Variants in CDC25A observed in about 807,000 individuals in gnomAD.
CDC25A encodes the protein cell division cycle 25A, also known as M-phase inducer phosphatase 1.
A neutral mutation model predicts 64.6 loss-of-function variants in CDC25A; 17 were observed. The ratio of observed to expected loss-of-function variants is 0.26; its 90% confidence interval spans 0.18 to 0.39. The LOEUF is 0.39. Ranked by LOEUF, CDC25A falls within the 10% of genes least tolerant of loss-of-function variation. The pLI is 1.00. For missense variants in CDC25A, 473 were observed against 654.8 expected, an observed-to-expected ratio of 0.72 and a Z score of 3.03; for synonymous variants, 229 against 238.6, an observed-to-expected ratio of 0.96 and a Z score of 0.37.
At chr3:48,161,832 G>A (rs542656612) in intron 13 of CDC25A, among the ~76,000 whole-genome samples, 2 of 152,058 alleles carry the variant, frequency 1.3e-5, no homozygotes, top group Non-Finnish European at 2.9e-5. Context: ...AGGCTGAGGC[G>A]GGTAGATCAC....
chr3:48,187,044 T>C (rs2032868269), intron 1 of CDC25A, among the ~76,000 whole-genome samples: 1 of 152,184 alleles, frequency 6.6e-6, no homozygotes, highest in Non-Finnish European at 1.5e-5. Context: ...TTTCCTAAAA[T>C]AAAAGCATGT....
intron 2 of CDC25A, 36 bp from the exon 3 acceptor site, chr3:48,184,731 C>A: frequency 6.9e-7 from 1 of 1,442,840 alleles, no homozygotes. Flanking sequence ...AGAAATAATA[C>A]AAAAAACACC....
chr3:48,160,261 T>C (rs571880235), intron 13 of CDC25A, among the ~76,000 whole-genome samples: 10 of 151,530 alleles, frequency 6.6e-5, no homozygotes, highest in Non-Finnish European at 1.0e-4. Context: ...TACAGGCGCG[T>C]GCCACCGCCC....
At chr3:48,165,768 A>G in intron 11 of CDC25A, 34 bp from the exon 12 acceptor site, 1 of 1,595,552 alleles carries the variant, frequency 6.3e-7, no homozygotes, top group Non-Finnish European at 8.6e-7. Flanking sequence ...ATCAACTTTG[A>G]CCGTCAGGGA....
intron 5 of CDC25A, 115 bp downstream of exon 5, chr3:48,182,814 A>G: frequency 1.5e-6 from 1 of 687,372 alleles, no homozygotes; most frequent in Non-Finnish European, 2.7e-6. Flanking sequence ...GACTCCAAAG[A>G]CCGCACATAA....
chr3:48,186,297 C>T (rs939974303), intron 2 of CDC25A, among the ~76,000 whole-genome samples: 1 of 152,108 alleles, frequency 6.6e-6, no homozygotes, highest in Admixed American at 6.6e-5. Context: ...TCACCGGGCG[C>T]GGTGGCTCAC....
chr3:48,184,575 G>A (rs749829213), intron 3 of CDC25A, 78 bp downstream of exon 3: 2 of 959,596 alleles, frequency 2.1e-6, no homozygotes, highest in Non-Finnish European at 3.2e-6. Context: ...AGTGTATGAA[G>A]AACTTCATTT....
At chr3:48,173,593 A>C (rs1045904103) in intron 9 of CDC25A, among the ~76,000 whole-genome samples, 2 of 152,188 alleles carry the variant, frequency 1.3e-5, no homozygotes, top group African/African-American at 4.8e-5. Flanking sequence ...ACCTTTGCCC[A>C]GCTGTCATAC....
chr3:48,161,777 T>C (rs1046551338), intron 13 of CDC25A, among the ~76,000 whole-genome samples: 2 of 152,030 alleles, frequency 1.3e-5, no homozygotes, highest in Non-Finnish European at 1.5e-5. Context: ...TGTGTATGTG[T>C]GTCCAGATTA....
chr3:48,178,055 A>C, intron 6 of CDC25A, 67 bp from the exon 7 acceptor site: 7 of 1,453,632 alleles, frequency 4.8e-6, no homozygotes, highest in Non-Finnish European at 6.6e-6. Context: ...TGAATGGGTC[A>C]CTAGTTTTTA....
At chr3:48,184,766 T>A in intron 2 of CDC25A, 71 bp from the exon 3 acceptor site, 1 of 1,106,546 alleles carries the variant, frequency 9.0e-7, no homozygotes, top group Non-Finnish European at 1.3e-6. Context: ...ATTAAAACAC[T>A]AAACAAAGTA....
Position 48,177,834 on chromosome 3 carries a change from CA to C in CDC25A, c.684+19del. On this transcript the variant is annotated intron_variant, in intron 7 of 14. Transcript: ENST00000302506. ...TTAATTAGTAGAACAAATAGGAACA[CA>C]CACACACACACACGGTACCTTCAGA... 19 of 791,726 alleles carry C rather than the reference CA, an allele frequency of 2.4e-5. No individual in the cohort carries two copies. The highest frequency in any genetic ancestry group is 3.3e-5 in the Non-Finnish European group (19 of 582,080). The allele number at this position is 791,726 out of a possible 1,614,324, so 49.0% of individuals were successfully genotyped here. A position where few individuals can be genotyped will look rare whatever the true frequency, so the allele number is the denominator to read the frequency against.
At position 48,188,011 on chromosome 3, in the gene CDC25A, C is replaced by T. The variant is rs1361511211; in HGVS notation, c.-64G>A. The T allele has an allele frequency of 1.6e-6, 2 of 1,274,080 alleles. No individual in the cohort carries two copies. Among genetic ancestry groups the T allele is most frequent in the Admixed American group, 4.2e-5 (1 of 23,694 alleles). 78.9% of individuals were successfully genotyped at this position (1,274,080 alleles called of 1,614,324 possible). A position where few individuals can be genotyped will look rare whatever the true frequency, so the allele number is the denominator to read the frequency against. ...CTCTGCCTCCGCCGCGACCGCCCCG[C>T]CCCGCCGACACCGGCCTCGGCCGCG... On this transcript the variant is annotated 5_prime_UTR_variant, in exon 1 of 15. Transcript: ENST00000302506.
At chr3:48,167,807 C>T (rs189503662) in intron 10 of CDC25A, 39 bp downstream of exon 10, 2 of 1,100,788 alleles carry the variant, frequency 1.8e-6, no homozygotes, top group East Asian at 2.4e-5. Context: ...TACCCACACT[C>T]CCTCCTACAC....
chr3:48,169,579 A>G (rs1381933691), intron 9 of CDC25A, among the ~76,000 whole-genome samples: 5 of 152,264 alleles, frequency 3.3e-5, no homozygotes, highest in Non-Finnish European at 7.3e-5. Flanking sequence ...AAATCTGAAG[A>G]GTAAGAGACC....
intron 2 of CDC25A, among the ~76,000 whole-genome samples, chr3:48,184,944 T>C (rs899506747): frequency 1.3e-5 from 2 of 152,154 alleles, no homozygotes; most frequent in Non-Finnish European, 2.9e-5. Flanking sequence ...TCAAGGGAAA[T>C]AGGATTTGAG....
chr3:48,181,791 CAAAAA>C, intron 5 of CDC25A: 5 of 448,946 alleles, frequency 1.1e-5, no homozygotes, highest in East Asian at 3.7e-5. Context: ...CATGAAGAAT[CAAAAA>C]AAAAAAAAAA....
At chr3:48,164,519 G>C in intron 12 of CDC25A, 82 bp from the exon 13 acceptor site, 1 of 1,305,380 alleles carries the variant, frequency 7.7e-7, no homozygotes, top group Non-Finnish European at 1.0e-6. Context: ...GATTCATCAA[G>C]AGTGATCTTT....
In CDC25A at chr3:48,187,805, G is replaced by C. The variant is rs1277824616; in HGVS notation, c.143C>G (p.Thr48Ser). The C allele has an allele frequency of 6.5e-7, 1 of 1,548,556 alleles. No homozygotes were observed. Among genetic ancestry groups the C allele is most frequent in the Middle Eastern group, 1.7e-4 (1 of 5,952 alleles). Residue 48 changes from threonine to serine, a missense_variant, in exon 1 of 15, where the codon ACT becomes AGT. Around this residue, in one of 2 missense-constraint regions of CDC25A, gnomAD observed 376 missense variants for 431.9 expected, o/e 0.87. Coordinates refer to ENST00000302506, the MANE Select transcript of CDC25A (RefSeq NM_001789.3). ...GLSPVTNLTV[T>S]MDQLQGLGSD... ...GCCCAGACCCTGCAGCTGGTCCATAGTGACGGTCAGGTTGGTGACAGGCGA... is the reference window on the plus strand; with the variant it reads ...GCCCAGACCCTGCAGCTGGTCCATACTGACGGTCAGGTTGGTGACAGGCGA...
Sources: allele counts gnomAD v4.1 joint callset (sites outside exome capture counted in the v4.1 genomes callset), GRCh38; gene constraint gnomAD v4.1.1; regional missense constraint gnomAD v4.1.1; transcripts MANE v1.5; gene names NCBI Gene and HGNC (gene_info 2026-07-23, HGNC 2026-07-21).